The following VEGFB variants were observed in gnomAD, a reference collection of about 807,000 sequenced individuals.
The protein encoded by VEGFB is vascular endothelial growth factor B.
Under a neutral mutation model 22.5 loss-of-function variants are expected in VEGFB, and 24 were observed. That is an observed-to-expected ratio of 1.07 (90% CI 0.77 to 1.50). The LOEUF (loss-of-function observed/expected upper bound fraction) is 1.50, where lower values mean the gene tolerates loss of function less well. Among genes scored for constraint, VEGFB ranks in the 40% most tolerant of loss-of-function variants. VEGFB has a pLI of 0.00. For synonymous variants in VEGFB, 141 were observed against 117.4 expected, an observed-to-expected ratio of 1.20 and a Z score of -1.30; for missense variants, 327 against 287.8, an observed-to-expected ratio of 1.14 and a Z score of -0.99.
chr11:64,236,193 C>G (rs2029999570), intron 3 of VEGFB, 61 bp from the exon 4 acceptor site: 1 of 1,594,840 alleles, frequency 6.3e-7, no homozygotes, highest in Non-Finnish European at 8.6e-7. Context: ...TCCCTTCAGT[C>G]TTAGAGCATC....
intron 4 of VEGFB, among the ~76,000 whole-genome samples, chr11:64,236,795 T>TG (rs909645152): frequency 9.4e-5 from 13 of 138,228 alleles, no homozygotes; most frequent in African/African-American, 3.5e-4. Context: ...GTAGGATGCT[T>TG]GGGCCGGGGG....
Position 64,237,534 on chromosome 11 carries a change from T to A in VEGFB, c.525T>A (p.Ser175=), listed in dbSNP as rs779540327. ...ATCCCACTCCAGCCCCAGGCCCCTC[T>A]GCCCACGCTGCACCCAGCACCACCA... The part of the protein sequence containing the change: ...ITHPTPAPGP[S]AHAAPSTTSA... The change falls in exon 6 of 7, where the codon TCT becomes TCA. Residue 175 remains serine, a synonymous_variant. Transcript: ENST00000309422. The A allele has an allele frequency of 8.7e-6, 14 of 1,609,612 alleles. No individual in the cohort carries two copies. Among genetic ancestry groups the A allele is most frequent in the Non-Finnish European group, 3.4e-6 (4 of 1,179,656 alleles).
In VEGFB at chr11:64,238,436, G is replaced by T. The variant is rs1395474269; in HGVS notation, c.*103G>T. On this transcript the variant is annotated 3_prime_UTR_variant, in exon 7 of 7. Transcript: ENST00000309422. ...CCTCAGAGGCTATATCCCAGTGGGG[G>T]AACAAAGAGGAGCCTGGTAAAAAAC... The T allele has an allele frequency of 3.9e-6, 6 of 1,533,284 alleles. No individual in the cohort carries two copies. Among genetic ancestry groups the T allele is most frequent in the Non-Finnish European group, 5.2e-6 (6 of 1,144,590 alleles). The allele number at this position is 1,533,284 out of a possible 1,614,324, so 95.0% of individuals were successfully genotyped here.
chr11:64,238,874 C>T lies in VEGFB; in HGVS notation c.*541C>T, dbSNP rs61761279. ...CTGCATCACTAAATCCAGAGCTTGT[C>T]TTGCTCCCTCATTGTGCAGATGGAG... On this transcript the variant is annotated 3_prime_UTR_variant, in exon 7 of 7. Coordinates refer to ENST00000309422, the MANE Select transcript of VEGFB (RefSeq NM_003377.5). 1,247 of 175,426 alleles carry T rather than the reference C, an allele frequency of 7.1e-3. 20 individuals carry two copies. Among genetic ancestry groups the T allele is most frequent in the African/African-American group, 0.028 (1,194 of 42,340 alleles). 10.9% of individuals were successfully genotyped at this position (175,426 alleles called of 1,614,324 possible). A position where few individuals can be genotyped will look rare whatever the true frequency, so the allele number is the denominator to read the frequency against.
intron 4 of VEGFB, 63 bp from the exon 5 acceptor site, chr11:64,237,115 GAGAGAGAGT>G: frequency 1.5e-6 from 1 of 659,112 alleles, no homozygotes; most frequent in Non-Finnish European, 2.3e-6. Flanking sequence ...GAGAGAGAGA[GAGAGAGAGT>G]AGGATGCTGG....
In VEGFB at chr11:64,234,853, G is replaced by C. The variant is rs775482215; in HGVS notation, c.20G>C (p.Arg7Pro). 3.3e-5 allele frequency: 42 copies of C among 1,283,556 alleles called. No individual in the cohort carries two copies. The highest frequency in any genetic ancestry group is 4.1e-5 in the Non-Finnish European group (41 of 1,011,590). The allele number at this position is 1,283,556 out of a possible 1,614,324, so 79.5% of individuals were successfully genotyped here. A position where few individuals can be genotyped will look rare whatever the true frequency, so the allele number is the denominator to read the frequency against. The change falls in exon 1 of 7, where the codon CGC becomes CCC. Residue 7 changes from arginine to proline, a missense_variant. By Grantham distance (103) the Arg-to-Pro change is moderately radical. Transcript: ENST00000309422. The surrounding 1 kb of genome is among the most constrained non-coding windows in gnomAD (Gnocchi z 5.3). Reference protein sequence around the residue: MSPLLRRLLLAALLQLA... With the variant: MSPLLRPLLLAALLQLA... ...GGCACCATGAGCCCTCTGCTCCGCC[G>C]CCTGCTGCTCGCCGCACTCCTGCAG... is the stretch of plus-strand genomic sequence containing the variant.
intron 1 of VEGFB, among the ~76,000 whole-genome samples, chr11:64,235,171 A>T (rs1247550313): frequency 6.6e-6 from 1 of 152,012 alleles, no homozygotes; most frequent in African/African-American, 2.4e-5. Context: ...TTCGGTGGGC[A>T]CTGTGCGCGC....
Position 64,235,516 on chromosome 11 carries a change from A to G in VEGFB, c.103+16A>G, listed in dbSNP as rs1274282471. 1.2e-6 allele frequency: 2 copies of G among 1,613,278 alleles called. No homozygotes were observed. The highest frequency in any genetic ancestry group is 3.3e-5 in the Admixed American group (2 of 59,992). On this transcript the variant is annotated intron_variant, in intron 2 of 6. Transcript: ENST00000309422. ...CAGAGGAAAGGTAATACTTACAAAA[A>G]CTCGGCACTAGCCAGCACTAAGAGG...
At chr11:64,237,109 G>GAGAGAGA (rs2030128417) in intron 4 of VEGFB, 78 bp from the exon 5 acceptor site, 1 of 664,138 alleles carries the variant, frequency 1.5e-6, no homozygotes, top group African/African-American at 2.3e-5. Flanking sequence ...GAGAGAGAGA[G>GAGAGAGA]AGAGAGAGAG....
chr11:64,234,869 A>G lies in VEGFB; in HGVS notation c.36A>G (p.Ala12=). ...TGCTCCGCCGCCTGCTGCTCGCCGC[A>G]CTCCTGCAGCTGGCCCCCGCCCAGG... The part of the protein sequence containing the change: ...SPLLRRLLLA[A]LLQLAPAQAP... Residue 12 remains alanine (A), a synonymous_variant, in exon 1 of 7, where the codon GCA becomes GCG. Transcript: ENST00000309422. The surrounding 1 kb of genome is among the most constrained non-coding windows in gnomAD (Gnocchi z 5.3). The G allele has an allele frequency of 1.6e-6, 2 of 1,286,360 alleles. No homozygotes were observed. Among genetic ancestry groups the G allele is most frequent in the South Asian group, 2.2e-5 (1 of 44,534 alleles). The allele number at this position is 1,286,360 out of a possible 1,614,324, so 79.7% of individuals were successfully genotyped here. A position where few individuals can be genotyped will look rare whatever the true frequency, so the allele number is the denominator to read the frequency against.
At position 64,237,126 on chromosome 11, in the gene VEGFB, G is replaced by GAGACAGACA; in HGVS notation, c.375-61_375-60insAGACAGACA. On this transcript the variant is annotated intron_variant, in intron 4 of 6. Transcript: ENST00000309422. ...GAGAGAGAGAGAGAGAGAGAGAGTA[G>GAGACAGACA]GATGCTGGGATTTCCTGATCTTCCT... 4.8e-4 allele frequency: 345 copies of GAGACAGACA among 717,356 alleles called. 21 individuals carry two copies. Among genetic ancestry groups the GAGACAGACA allele is most frequent in the African/African-American group, 2.2e-3 (91 of 41,972 alleles). The allele number at this position is 717,356 out of a possible 1,614,324, so 44.4% of individuals were successfully genotyped here.
At position 64,237,108 on chromosome 11, in the gene VEGFB, AGAGAGAGAGAGAGAGTAG is replaced by A. The variant is rs1565318016; in HGVS notation, c.375-76_375-59del. On this transcript the variant is annotated intron_variant, in intron 4 of 6. Coordinates refer to ENST00000309422, the MANE Select transcript of VEGFB (RefSeq NM_003377.5). ...CAAAGAGAGAGAGAGAGAGAGAGAG[AGAGAGAGAGAGAGAGTAG>A]GATGCTGGGATTTCCTGATCTTCCT... 491 of 695,254 alleles carry A rather than the reference AGAGAGAGAGAGAGAGTAG, an allele frequency of 7.1e-4. 17 individuals carry two copies. The African/African-American group carries it at 8.9e-3, about 13-fold the overall frequency. 43.1% of individuals were successfully genotyped at this position (695,254 alleles called of 1,614,324 possible).
intron 1 of VEGFB, 134 bp from the exon 2 acceptor site, chr11:64,235,324 C>G: frequency 1.1e-6 from 1 of 871,666 alleles, no homozygotes; most frequent in East Asian, 2.5e-5. Context: ...GCAGTGGCCG[C>G]AGGAACAGAG....
At chr11:64,237,280 G>C in intron 5 of VEGFB, 58 bp downstream of exon 5, 1 of 1,552,168 alleles carries the variant, frequency 6.4e-7, no homozygotes, top group African/African-American at 1.3e-5. Flanking sequence ...GAGTCCAGAA[G>C]CTGTTGCTCC....
rs1349446160 is a variant in VEGFB, at chr11:64,237,268, G to A, written c.410+46G>A. On this transcript the variant is annotated intron_variant, in intron 5 of 6. Coordinates refer to ENST00000309422, the MANE Select transcript of VEGFB (RefSeq NM_003377.5). ...CTGAGTAGGGGTATGGGGAGTACAA[G>A]TGAGTCCAGAAGCTGTTGCTCCTCT... 6 of 1,575,246 alleles carry A rather than the reference G, an allele frequency of 3.8e-6. No homozygotes were observed. In the East Asian group the frequency reaches 1.4e-4, roughly 35 times the overall value.
At position 64,235,980 on chromosome 11, in the gene VEGFB, C is replaced by A. The variant is rs1251265097; in HGVS notation, c.271C>A (p.Pro91Thr). ...CCPDDGLECV[P>T]TGQHQVRMQI... ...CCCTGACGATGGCCTGGAGTGTGTG[C>A]CCACTGGGCAGCACCAAGTCCGGAT... is the stretch of plus-strand genomic sequence containing the variant. Residue 91 changes from proline to threonine, a missense_variant, in exon 3 of 7, where the codon CCC becomes ACC. Coordinates refer to ENST00000309422, the MANE Select transcript of VEGFB (RefSeq NM_003377.5). The A allele has an allele frequency of 6.2e-7, 1 of 1,604,226 alleles. No homozygotes were observed. Among genetic ancestry groups the A allele is most frequent in the African/African-American group, 1.3e-5 (1 of 74,680 alleles).
intron 5 of VEGFB, 30 bp from the exon 6 acceptor site, chr11:64,237,390 C>T: frequency 6.4e-7 from 1 of 1,560,262 alleles, no homozygotes; most frequent in Non-Finnish European, 8.8e-7. Context: ...TCTTCCTTCC[C>T]ACCCCAGACA....
At chr11:64,236,698 C>T (rs1222780583) in intron 4 of VEGFB, among the ~76,000 whole-genome samples, 5 of 107,856 alleles carry the variant, frequency 4.6e-5, no homozygotes, top group African/African-American at 1.9e-4. Flanking sequence ...GCCTGGGCGA[C>T]AGAGCAAGAC....
chr11:64,236,535 A>G (rs1005849162), intron 4 of VEGFB, among the ~76,000 whole-genome samples: 5 of 151,480 alleles, frequency 3.3e-5, no homozygotes, highest in East Asian at 2.0e-4. Context: ...CTAACATGGT[A>G]AAAACCTGTC....
Sources: gnomAD v4.1 joint callset for allele counts (sites outside exome capture counted in the v4.1 genomes callset) on GRCh38, gnomAD v4.1.1 for gene constraint, Gnocchi (gnomAD v3.1) non-coding constraint, MANE v1.5 for transcripts, NCBI Gene and HGNC (gene_info 2026-07-23, HGNC 2026-07-21) for gene names.